SGCZ: variants seen among roughly 807,000 people sequenced by gnomAD.
The protein encoded by SGCZ is zeta-sarcoglycan.
A neutral mutation model predicts 41.3 loss-of-function variants in SGCZ; 40 were observed. That is an observed-to-expected ratio of 0.97 (90% confidence interval 0.75 to 1.26). The LOEUF is 1.26. SGCZ is among the 50% of genes most tolerant of loss of function. SGCZ has a pLI of 0.00. For missense variants in SGCZ, 552 were observed against 369.8 expected (o/e 1.49, Z -4.04); for synonymous variants, 206 against 137.5 (o/e 1.50, Z -3.49).
chr8:14,655,552 A>C (rs1250848285), intron 1 of SGCZ, among the ~76,000 whole-genome samples: 1 of 151,414 alleles, frequency 6.6e-6, no homozygotes. Flanking sequence ...AAGGGTTTTT[A>C]AACTTTTTAT....
intron 4 of SGCZ, among the ~76,000 whole-genome samples, chr8:14,207,635 T>G (rs1209232512): frequency 6.6e-6 from 1 of 152,186 alleles, no homozygotes; most frequent in African/African-American, 2.4e-5. Flanking sequence ...CTTCTGTTTA[T>G]GTAGTAGTGC....
At position 15,220,201 on chromosome 8, in the gene SGCZ, G is replaced by T. The variant is rs75287779; in HGVS notation, c.39+17384C>A. On this transcript the variant is annotated intron_variant, in intron 1 of 7. Coordinates refer to ENST00000382080, the MANE Select transcript of SGCZ (RefSeq NM_139167.4). Reference sequence around the variant, plus strand: ...TATACTAAAACCAAAAGTTTTTGAGGTCATTAATAGATGTGGAAGTAGTAC... The same window carrying T: ...TATACTAAAACCAAAAGTTTTTGAGTTCATTAATAGATGTGGAAGTAGTAC... Among the ~76,000 whole-genome samples, 848 of 152,278 alleles carry T rather than the reference G, an allele frequency of 5.6e-3. 6 individuals are homozygous for T. The highest frequency in any genetic ancestry group is 0.019 in the African/African-American group (799 of 41,536).
intron 1 of SGCZ, among the ~76,000 whole-genome samples, chr8:15,093,566 T>G (rs1320721436): frequency 6.6e-6 from 1 of 152,216 alleles, no homozygotes; most frequent in Non-Finnish European, 1.5e-5. Flanking sequence ...AAAAACAAAG[T>G]CATGTAGTGT....
At chr8:14,847,166 A>AAGAAGAAGAAGC (rs1803156336) in intron 1 of SGCZ, among the ~76,000 whole-genome samples, 1 of 151,328 alleles carries the variant, frequency 6.6e-6, no homozygotes, top group South Asian at 2.1e-4. Flanking sequence ...GAAGAAGAAG[A>AAGAAGAAGAAGC]AGAAGAAGAA....
chr8:14,656,964 CAT>C (rs1807597294), intron 1 of SGCZ, among the ~76,000 whole-genome samples: 1 of 151,628 alleles, frequency 6.6e-6, no homozygotes, highest in African/African-American at 2.4e-5. Context: ...TCGAAGAAGA[CAT>C]ATAAACTCTA....
intron 3 of SGCZ, among the ~76,000 whole-genome samples, chr8:14,292,549 C>T (rs572650110): frequency 2.4e-4 from 37 of 152,120 alleles, no homozygotes; most frequent in African/African-American, 5.5e-4. Flanking sequence ...ATGCTGTTGA[C>T]GATGGAAAAG....
At position 14,334,976 on chromosome 8, in the gene SGCZ, G is replaced by A. The variant is rs557656516; in HGVS notation, c.235-10772C>T. 4.6e-5 allele frequency among the ~76,000 whole-genome samples: 7 copies of A among 152,220 alleles called. No homozygotes were observed. The South Asian group carries it at 1.5e-3, about 32-fold the overall frequency. On this transcript the variant is annotated intron_variant, in intron 2 of 7. Coordinates refer to ENST00000382080, the MANE Select transcript of SGCZ (RefSeq NM_139167.4). ...TAAGATTAAACTGCTGATCTTAAAA[G>A]TACAGATATCCTTCTGAGCTGGGAC... is the stretch of plus-strand genomic sequence containing the variant.
intron 3 of SGCZ, among the ~76,000 whole-genome samples, chr8:14,242,011 C>T (rs975021654): frequency 2.0e-5 from 3 of 152,068 alleles, no homozygotes; most frequent in Admixed American, 6.6e-5. Flanking sequence ...CCACTGGATA[C>T]AAAAGAGAAA....
intron 1 of SGCZ, among the ~76,000 whole-genome samples, chr8:14,818,256 C>A (rs1801965921): frequency 6.6e-6 from 1 of 152,166 alleles, no homozygotes. Context: ...GGCCTCTGTA[C>A]ACACACATGT....
rs371806272 is a variant in SGCZ, at chr8:14,579,542, G to T, written c.40-24616C>A. On this transcript the variant is annotated intron_variant, in intron 1 of 7. Coordinates refer to ENST00000382080, the MANE Select transcript of SGCZ (RefSeq NM_139167.4). ...TTACACTATTAAAGTTAATTAAACT[G>T]TTGGGGAAATTTTATACAAATATGG... Among the ~76,000 whole-genome samples, 54 of 152,328 alleles carry T rather than the reference G, an allele frequency of 3.5e-4. No individual in the cohort carries two copies. The East Asian group carries it at 4.0e-3, about 11-fold the overall frequency.
chr8:14,885,356 G>T (rs112402884), intron 1 of SGCZ, among the ~76,000 whole-genome samples: 1,995 of 152,206 alleles, frequency 0.013, 23 homozygotes, highest in African/African-American at 0.032. Flanking sequence ...CTACCTATTT[G>T]TTATGCCTAG....
chr8:14,611,557 T>A (rs770258365), intron 1 of SGCZ, among the ~76,000 whole-genome samples: 13 of 152,180 alleles, frequency 8.5e-5, no homozygotes, highest in Non-Finnish European at 1.8e-4. Flanking sequence ...TCCAGTAATT[T>A]AGAGTGATTT....
intron 2 of SGCZ, among the ~76,000 whole-genome samples, chr8:14,394,394 C>T (rs182456592): frequency 6.6e-6 from 1 of 152,060 alleles, no homozygotes; most frequent in Admixed American, 6.6e-5. Flanking sequence ...CGTGATCCAC[C>T]CGCCTCGGCC....
chr8:14,178,529 A>C (rs1325413568), intron 4 of SGCZ, among the ~76,000 whole-genome samples: 1 of 152,200 alleles, frequency 6.6e-6, no homozygotes, highest in Non-Finnish European at 1.5e-5. Flanking sequence ...TAGAGTTCTG[A>C]GATAAAGGCT....
At chr8:15,005,211 A>T (rs1166435473) in intron 1 of SGCZ, among the ~76,000 whole-genome samples, 1 of 152,068 alleles carries the variant, frequency 6.6e-6, no homozygotes. Context: ...TTCAAAAGGC[A>T]TGGTACCAAA....
At chr8:14,522,328 T>A (rs1802814912) in intron 2 of SGCZ, among the ~76,000 whole-genome samples, 1 of 152,076 alleles carries the variant, frequency 6.6e-6, no homozygotes, top group African/African-American at 2.4e-5. Flanking sequence ...CTGTTAATTC[T>A]TTTTTGAATA....
At chr8:14,814,403 C>G (rs1481116595) in intron 1 of SGCZ, among the ~76,000 whole-genome samples, 1 of 152,024 alleles carries the variant, frequency 6.6e-6, no homozygotes, top group Non-Finnish European at 1.5e-5. Context: ...AGCTACATCC[C>G]CACTTGCACA....
chr8:14,779,844 T>C (rs1315321473), intron 1 of SGCZ, among the ~76,000 whole-genome samples: 1 of 152,188 alleles, frequency 6.6e-6, no homozygotes, highest in Non-Finnish European at 1.5e-5. Context: ...GATCATTTGA[T>C]TATTAATAAT....
At chr8:15,178,449 A>G (rs1442061577) in intron 1 of SGCZ, among the ~76,000 whole-genome samples, 3 of 152,168 alleles carry the variant, frequency 2.0e-5, no homozygotes, top group Non-Finnish European at 4.4e-5. Context: ...AAGAGGACAT[A>G]TTTTCAAATA....
Sources: allele counts gnomAD v4.1 joint callset (sites outside exome capture counted in the v4.1 genomes callset), GRCh38; gene constraint gnomAD v4.1.1; transcripts MANE v1.5; gene names NCBI Gene and HGNC (gene_info 2026-07-23, HGNC 2026-07-21).